SEMA6D: variants seen among roughly 807,000 people sequenced by gnomAD.
SEMA6D encodes the protein semaphorin 6D.
Under a neutral mutation model 106.6 loss-of-function variants are expected in SEMA6D, and 35 were observed. The observed-to-expected ratio is 0.33, with a 90% CI of 0.25 to 0.44. The LOEUF (loss-of-function observed/expected upper bound fraction) is 0.44, where lower values mean the gene tolerates loss of function less well. SEMA6D is among the 20% of genes least tolerant of loss of function. The probability of loss-of-function intolerance (pLI) is 1.00; values close to 1 mark genes in which losing one functional copy is unlikely to be tolerated. For missense variants in SEMA6D, 1,185 were observed against 1,345.9 expected, an observed-to-expected ratio of 0.88 and a Z score of 1.87; for synonymous variants, 499 against 487.7, an observed-to-expected ratio of 1.02 and a Z score of -0.31.
intron 3 of SEMA6D, among the ~76,000 whole-genome samples, chr15:47,494,411 A>G (rs1260297588): frequency 6.6e-6 from 1 of 152,014 alleles, no homozygotes; most frequent in East Asian, 1.9e-4. Context: ...AAGAATCACA[A>G]AAGGAGTTCT....
intron 1 of SEMA6D, among the ~76,000 whole-genome samples, chr15:47,384,575 A>C (rs1335550207): frequency 1.3e-5 from 2 of 152,170 alleles, no homozygotes; most frequent in African/African-American, 2.4e-5. Flanking sequence ...GCAAAGGACT[A>C]ATCAGCTACC....
Position 47,770,915 on chromosome 15 carries a change from C to T in SEMA6D, c.2352C>T (p.Thr784=), listed in dbSNP as rs374051234. ...CTACACCCGTGCTTCACCAGAAGAC[C>T]CTGCAGGCCATGAAGAGCCACTCAG... ...PESTPVLHQK[T]LQAMKSHSEK... Residue 784 remains threonine, a synonymous_variant, in exon 19 of 19, where the codon ACC becomes ACT. Coordinates refer to ENST00000536845, the MANE Select transcript of SEMA6D (RefSeq NM_001358351.3). The T allele has an allele frequency of 3.1e-6, 5 of 1,613,918 alleles. No individual in the cohort carries two copies. In the African/African-American group the frequency reaches 5.3e-5, roughly 17 times the overall value.
At position 47,290,562 on chromosome 15, in the gene SEMA6D, A is replaced by G. The variant is rs181207343; in HGVS notation, c.-239+106144A>G. Among the ~76,000 whole-genome samples, 5 of 152,166 alleles carry G rather than the reference A, an allele frequency of 3.3e-5. No homozygotes were observed. The East Asian group carries it at 5.8e-4, about 18-fold the overall frequency. On this transcript the variant is annotated intron_variant, in intron 1 of 19. Transcript: ENST00000558014. Reference sequence around the variant, plus strand: ...ACATATAAATCATTTATATATATGTATATCACCGGAAATGATTTATATTAA... The same window carrying G: ...ACATATAAATCATTTATATATATGTGTATCACCGGAAATGATTTATATTAA...
At chr15:47,328,096 C>T (rs1365276003) in intron 1 of SEMA6D, among the ~76,000 whole-genome samples, 1 of 151,070 alleles carries the variant, frequency 6.6e-6, no homozygotes, top group Non-Finnish European at 1.5e-5. Context: ...GATCTTGGCT[C>T]ACAGATGGAA....
chr15:47,747,527 G>A (rs1167344089), intron 1 of SEMA6D, among the ~76,000 whole-genome samples: 1 of 152,164 alleles, frequency 6.6e-6, no homozygotes, highest in Non-Finnish European at 1.5e-5. Flanking sequence ...GAAAACTTAA[G>A]TCGACAGCTT....
intron 4 of SEMA6D, among the ~76,000 whole-genome samples, chr15:47,690,783 C>G (rs1031450884): frequency 7.2e-6 from 1 of 139,250 alleles, no homozygotes; most frequent in African/African-American, 2.4e-5. Flanking sequence ...TTGTAGAAAC[C>G]GGGCTATTTT....
intron 1 of SEMA6D, among the ~76,000 whole-genome samples, chr15:47,720,867 A>T (rs1224314314): frequency 6.6e-6 from 1 of 152,236 alleles, no homozygotes; most frequent in African/African-American, 2.4e-5. Flanking sequence ...GATGCATTTT[A>T]TGCAGAGTTA....
In SEMA6D at chr15:47,377,167, A is replaced by G. The variant is rs543709024; in HGVS notation, c.-238-35226A>G. On this transcript the variant is annotated intron_variant, in intron 1 of 19. Coordinates refer to the SEMA6D transcript ENST00000558014. ...TTTAAATGAGCAAATTAATAATAAA[A>G]TCTATGCAGGATGATAGTAATAATC... 2.6e-5 allele frequency among the ~76,000 whole-genome samples: 4 copies of G among 152,360 alleles called. No homozygotes were observed. In the South Asian group the frequency reaches 8.3e-4, roughly 32 times the overall value.
In SEMA6D at chr15:47,290,441, T is replaced by A. The variant is rs542658821; in HGVS notation, c.-239+106023T>A. ...ACTGGGAGATGAAGAATTGTTCAGT[T>A]CTGTGTAAGTAGAAGAATGACAGAG... On this transcript the variant is annotated intron_variant, in intron 1 of 19. Coordinates refer to the SEMA6D transcript ENST00000558014. 1.5e-4 allele frequency among the ~76,000 whole-genome samples: 23 copies of A among 152,300 alleles called. No homozygotes were observed. In the South Asian group the frequency reaches 2.3e-3, roughly 15 times the overall value.
chr15:47,715,898 T>C (rs941394760), upstream of SEMA6D, among the ~76,000 whole-genome samples: 4 of 152,226 alleles, frequency 2.6e-5, no homozygotes, highest in Non-Finnish European at 5.9e-5. Context: ...GCAATCTTTA[T>C]GCAATGCACA....
intron 4 of SEMA6D, among the ~76,000 whole-genome samples, chr15:47,626,215 T>G (rs1008519625): frequency 6.6e-6 from 1 of 152,200 alleles, no homozygotes; most frequent in African/African-American, 2.4e-5. Flanking sequence ...GTGTGGGCTC[T>G]ACATGAAATC....
rs36181544 is a variant in SEMA6D at position 47,422,093 on chromosome 15, AT to A, written c.-159+9630del. 1.4e-3 allele frequency among the ~76,000 whole-genome samples: 208 copies of A among 149,196 alleles called. 2 individuals carry two copies. Among genetic ancestry groups the A allele is most frequent in the Non-Finnish European group, 2.5e-4 (17 of 67,226 alleles). ...ACAATGTTAAGGGGGTCCATTGTTT[AT>A]TTTTTTTTCTTTAGAGGATGAAAAC... On this transcript the variant is annotated intron_variant, in intron 2 of 19. Transcript: ENST00000558014.
intron 1 of SEMA6D, among the ~76,000 whole-genome samples, chr15:47,260,548 A>G (rs1418421673): frequency 6.6e-6 from 1 of 152,110 alleles, no homozygotes; most frequent in African/African-American, 2.4e-5. Context: ...GGAGGGGAAA[A>G]GAAGTCTCGA....
chr15:47,420,302 C>CTGATTT (rs2041111583), intron 2 of SEMA6D, among the ~76,000 whole-genome samples: 1 of 152,064 alleles, frequency 6.6e-6, no homozygotes, highest in Non-Finnish European at 1.5e-5. Flanking sequence ...AACTGTGAAA[C>CTGATTT]TGATTTTCGT....
chr15:47,738,411 T>A (rs1365198537), intron 1 of SEMA6D, among the ~76,000 whole-genome samples: 1 of 152,204 alleles, frequency 6.6e-6, no homozygotes, highest in Non-Finnish European at 1.5e-5. Flanking sequence ...TGATGGGCAT[T>A]TGGGTTCATT....
chr15:47,223,041 T>A (rs542553174), intron 1 of SEMA6D, among the ~76,000 whole-genome samples: 92 of 152,302 alleles, frequency 6.0e-4, no homozygotes, highest in African/African-American at 2.2e-3. Context: ...GTTGGCTGCT[T>A]ACTGACTGGG....
intron 2 of SEMA6D, among the ~76,000 whole-genome samples, chr15:47,444,978 C>A (rs1466844374): frequency 6.6e-6 from 1 of 152,048 alleles, no homozygotes; most frequent in Non-Finnish European, 1.5e-5. Flanking sequence ...CAGCTCTCAG[C>A]TGGATGGATG....
intron 1 of SEMA6D, among the ~76,000 whole-genome samples, chr15:47,362,624 A>T (rs1222454122): frequency 2.6e-5 from 4 of 152,124 alleles, no homozygotes; most frequent in Admixed American, 2.6e-4. Flanking sequence ...AGATCATAGT[A>T]ATCAGTGGGA....
At chr15:47,529,460 G>A (rs1186632913) in intron 3 of SEMA6D, among the ~76,000 whole-genome samples, 1 of 152,076 alleles carries the variant, frequency 6.6e-6, no homozygotes, top group African/African-American at 2.4e-5. Context: ...TGGAAGGGGA[G>A]GCTCAAAGTA....
Sources: gnomAD v4.1 joint callset for allele counts (sites outside exome capture counted in the v4.1 genomes callset) on GRCh38, gnomAD v4.1.1 for gene constraint, MANE v1.5 for transcripts, NCBI Gene and HGNC (gene_info 2026-07-23, HGNC 2026-07-21) for gene names.